FOCAD: variants seen among roughly 807,000 people sequenced by gnomAD.
FOCAD encodes the protein KIAA1797.
In FOCAD, 198 loss-of-function variants were observed where a neutral mutation model predicts 225.6. The observed-to-expected ratio is 0.88, with a 90% confidence interval of 0.78 to 0.99. The LOEUF is 0.99. FOCAD is among the 50% of genes least tolerant of loss of function. The pLI, the probability that FOCAD is intolerant of heterozygous loss-of-function variation, is 0.00. For synonymous variants in FOCAD, 897 were observed against 755.0 expected, an observed-to-expected ratio of 1.19 and a Z score of -3.08; for missense variants, 2,713 against 2,123.6, an observed-to-expected ratio of 1.28 and a Z score of -5.46.
intron 1 of FOCAD, among the ~76,000 whole-genome samples, chr9:20,691,291 C>G (rs1447231169): frequency 1.3e-5 from 2 of 152,038 alleles, no homozygotes; most frequent in East Asian, 1.9e-4. Flanking sequence ...AAAAATACCA[C>G]AATTCCTGGT....
At chr9:20,761,317 C>T (rs574978118) in intron 6 of FOCAD, among the ~76,000 whole-genome samples, 1 of 152,262 alleles carries the variant, frequency 6.6e-6, no homozygotes, top group South Asian at 2.1e-4. Context: ...TCTAGTCTAA[C>T]ATAATTTTTC....
At chr9:20,819,385 A>G (rs1436605345) in intron 11 of FOCAD, among the ~76,000 whole-genome samples, 1 of 151,770 alleles carries the variant, frequency 6.6e-6, no homozygotes, top group Non-Finnish European at 1.5e-5. Flanking sequence ...AGTTAATTTA[A>G]AAGTTTTTTG....
At chr9:20,927,212 T>C (rs1835039241) in intron 26 of FOCAD, among the ~76,000 whole-genome samples, 1 of 152,138 alleles carries the variant, frequency 6.6e-6, no homozygotes, top group Admixed American at 6.5e-5. Flanking sequence ...TTTCTAGTCA[T>C]AGATTTTTTT....
intron 2 of FOCAD, among the ~76,000 whole-genome samples, chr9:20,665,439 A>G (rs1821872174): frequency 6.6e-6 from 1 of 152,144 alleles, no homozygotes; most frequent in Non-Finnish European, 1.5e-5. Context: ...TCTTTATCTC[A>G]TTCTATAATA....
At chr9:20,664,616 T>C (rs2131264205) in intron 2 of FOCAD, among the ~76,000 whole-genome samples, 2 of 151,460 alleles carry the variant, frequency 1.3e-5, no homozygotes, top group Middle Eastern at 6.9e-3. Context: ...TGATTTCTTT[T>C]CTTTTCTTTT....
chr9:20,758,253 G>C (rs1385386401), intron 6 of FOCAD, 62 bp downstream of exon 6: 5 of 1,197,010 alleles, frequency 4.2e-6, no homozygotes, highest in Non-Finnish European at 5.8e-6. Context: ...GCTAATTTTA[G>C]AGCTAGGGTT....
Position 20,916,880 on chromosome 9 carries a change from A to G in FOCAD, c.2808-13A>G, listed in dbSNP as rs751229940. 7 of 1,599,190 alleles carry G rather than the reference A, an allele frequency of 4.4e-6. No individual in the cohort carries two copies. Among genetic ancestry groups the G allele is most frequent in the South Asian group, 1.1e-5 (1 of 87,278 alleles). On this transcript the variant is annotated splice_polypyrimidine_tract_variant and intron_variant, in intron 23 of 43. Transcript: ENST00000338382. Reference sequence around the variant, plus strand: ...TAACATAAACTCTCGTCTATTTTCCATCTTTATTGCAGGGTTAGAGACATG... The same window carrying G: ...TAACATAAACTCTCGTCTATTTTCCGTCTTTATTGCAGGGTTAGAGACATG...
chr9:20,887,378 G>T (rs1831188612), intron 21 of FOCAD, among the ~76,000 whole-genome samples: 1 of 152,034 alleles, frequency 6.6e-6, no homozygotes, highest in Non-Finnish European at 1.5e-5. Context: ...GGGATTACAG[G>T]CATGCGCCAC....
chr9:20,741,725 AG>A (rs1291718239), intron 5 of FOCAD, among the ~76,000 whole-genome samples: 1 of 125,714 alleles, frequency 8.0e-6, no homozygotes, highest in Non-Finnish European at 1.6e-5. Context: ...TTGTGACGTA[AG>A]GGTTTATTCT....
In FOCAD at chr9:20,986,455, T is replaced by C. The variant is rs1841182008; in HGVS notation, c.4896T>C (p.His1632=). 6.2e-7 allele frequency: 1 copy of C among 1,610,050 alleles called. No homozygotes were observed. Among genetic ancestry groups the C allele is most frequent in the Non-Finnish European group, 8.5e-7 (1 of 1,178,584 alleles). The change falls in exon 40 of 44, where the codon CAT becomes CAC. Residue 1632 remains histidine, a synonymous_variant. Transcript: ENST00000338382. ...TATACCAGGCACGGATTGTGAGCCA[T>C]GCCAATACGGGTGAGGACACCCTGG... ...HSLYQARIVS[H]ANTGVLKRME...
At chr9:20,717,687 A>G in intron 2 of FOCAD, 107 bp from the exon 3 acceptor site, 2 of 821,940 alleles carry the variant, frequency 2.4e-6, no homozygotes, top group East Asian at 5.4e-5. Flanking sequence ...GTTAATGGGA[A>G]TTTTACTTAA....
chr9:20,878,824 A>G (rs1012470280), intron 19 of FOCAD, among the ~76,000 whole-genome samples: 1 of 152,142 alleles, frequency 6.6e-6, no homozygotes, highest in Non-Finnish European at 1.5e-5. Flanking sequence ...TGGGTGGTGT[A>G]ACTCTCAATC....
chr9:20,699,669 CG>C (rs1206355103), intron 1 of FOCAD, among the ~76,000 whole-genome samples: 1 of 136,988 alleles, frequency 7.3e-6, no homozygotes, highest in Non-Finnish European at 1.5e-5. Context: ...ACCCAGGAGG[CG>C]GAGCTTGCAG....
rs1202319166 is a variant in FOCAD, at chr9:20,981,152, C to T, written c.4378-274C>T. Among the ~76,000 whole-genome samples, 7 of 152,110 alleles carry T rather than the reference C, an allele frequency of 4.6e-5. No homozygotes were observed. In the East Asian group the frequency reaches 1.3e-3, roughly 29 times the overall value. Reference sequence around the variant, plus strand: ...ATTCCCGTCACTGAAACCTTGAAAACATCCAAGGTTTAAGCTGAGTAGTTC... The same window carrying T: ...ATTCCCGTCACTGAAACCTTGAAAATATCCAAGGTTTAAGCTGAGTAGTTC... On this transcript the variant is annotated intron_variant, in intron 37 of 43. Coordinates refer to ENST00000338382, the MANE Select transcript of FOCAD (RefSeq NM_001375567.1).
At chr9:20,982,805 T>C (rs967465961) in intron 39 of FOCAD, among the ~76,000 whole-genome samples, 6 of 152,142 alleles carry the variant, frequency 3.9e-5, no homozygotes, top group Non-Finnish European at 8.8e-5. Context: ...AGTCAAACGA[T>C]GAATGAGCAA....
intron 8 of FOCAD, among the ~76,000 whole-genome samples, chr9:20,774,199 A>C (rs1042493775): frequency 6.6e-6 from 1 of 152,170 alleles, no homozygotes; most frequent in African/African-American, 2.4e-5. Context: ...GGTGCAAAAA[A>C]GGCTGGGGAC....
At chr9:20,731,015 C>T (rs1299506938) in intron 4 of FOCAD, among the ~76,000 whole-genome samples, 1 of 152,104 alleles carries the variant, frequency 6.6e-6, no homozygotes, top group African/African-American at 2.4e-5. Flanking sequence ...GCGGGCAGAT[C>T]ACCTGAGGTC....
chr9:20,990,041 C>G, intron 41 of FOCAD, 82 bp from the exon 42 acceptor site: 1 of 1,541,396 alleles, frequency 6.5e-7, no homozygotes. Flanking sequence ...CATTGCCTCA[C>G]GACAGGGGCT....
At chr9:20,827,500 G>A (rs1317695827) in intron 15 of FOCAD, among the ~76,000 whole-genome samples, 1 of 151,658 alleles carries the variant, frequency 6.6e-6, no homozygotes, top group East Asian at 1.9e-4. Flanking sequence ...TGGCGTGTGT[G>A]TGTGTGTGTG....
Sources: allele counts gnomAD v4.1 joint callset (sites outside exome capture counted in the v4.1 genomes callset), GRCh38; gene constraint gnomAD v4.1.1; transcripts MANE v1.5; gene names NCBI Gene and HGNC (gene_info 2026-07-23, HGNC 2026-07-21).